The following ASH1L variants were observed in gnomAD, a reference collection of about 807,000 sequenced individuals.
The protein encoded by ASH1L is ASH1 like histone lysine methyltransferase, also known as histone-lysine N-methyltransferase ASH1L.
Under a neutral mutation model 269.0 loss-of-function variants are expected in ASH1L, and 23 were observed. That is an observed-to-expected ratio of 0.09 (90% CI 0.06 to 0.12). The LOEUF is 0.12. Ranked by LOEUF, ASH1L falls within the 10% of genes least tolerant of loss-of-function variation. The pLI, the probability that ASH1L is intolerant of heterozygous loss-of-function variation, is 1.00. For synonymous variants in ASH1L, 1,187 were observed against 1,253.5 expected, an observed-to-expected ratio of 0.95 and a Z score of 1.12; for missense variants, 2,912 against 3,567.8, an observed-to-expected ratio of 0.82 and a Z score of 4.68.
intron 15 of ASH1L, among the ~76,000 whole-genome samples, chr1:155,356,064 A>C (rs993563906): frequency 7.2e-5 from 11 of 151,810 alleles, no homozygotes; most frequent in Non-Finnish European, 1.5e-4. Context: ...CAGCCTCCTG[A>C]GTAGCTGAGA....
At chr1:155,355,737 T>C (rs973892674) in intron 15 of ASH1L, among the ~76,000 whole-genome samples, 1 of 152,126 alleles carries the variant, frequency 6.6e-6, no homozygotes, top group Non-Finnish European at 1.5e-5. Flanking sequence ...GGAAATAGAA[T>C]GAAAGGGGCT....
At chr1:155,476,877 A>G (rs1665594008) in intron 3 of ASH1L, among the ~76,000 whole-genome samples, 1 of 152,102 alleles carries the variant, frequency 6.6e-6, no homozygotes, top group South Asian at 2.1e-4. Context: ...TTAATCTTTT[A>G]GGGGAATAAT....
At chr1:155,458,980 C>A (rs1201611196) in intron 4 of ASH1L, among the ~76,000 whole-genome samples, 4 of 138,132 alleles carry the variant, frequency 2.9e-5, no homozygotes, top group Admixed American at 2.2e-4. Flanking sequence ...GGTAAACACA[C>A]AAACTATCCA....
Position 155,337,318 on chromosome 1 carries a change from T to C in ASH1L, c.*342A>G. 5.4e-6 allele frequency: 1 copy of C among 184,160 alleles called. No homozygotes were observed. The allele number at this position is 184,160 out of a possible 1,614,324, so 11.4% of individuals were successfully genotyped here. On this transcript the variant is annotated 3_prime_UTR_variant, in exon 28 of 28. Coordinates refer to ENST00000392403, the MANE Select transcript of ASH1L (RefSeq NM_018489.3). ...CAGCTTCTTCGCAATGCCTGTGGGA[T>C]CTGAGGATGACAGAAAAACCTAAGC... is the stretch of plus-strand genomic sequence containing the variant.
At chr1:155,345,174 C>CTTTTTTTTTT (rs397981613) in intron 21 of ASH1L, among the ~76,000 whole-genome samples, 4 of 64,022 alleles carry the variant, frequency 6.2e-5, no homozygotes, top group Non-Finnish European at 1.1e-4. Flanking sequence ...CCAGGATGGT[C>CTTTTTTTTTT]TTTTTTTTTT....
At chr1:155,455,475 C>T (rs1024334738) in intron 4 of ASH1L, among the ~76,000 whole-genome samples, 5 of 151,730 alleles carry the variant, frequency 3.3e-5, no homozygotes, top group Non-Finnish European at 4.4e-5. Context: ...ATACAAATTG[C>T]TTTTTGTTTC....
chr1:155,508,756 T>C (rs1472923817), intron 2 of ASH1L, among the ~76,000 whole-genome samples: 2 of 152,138 alleles, frequency 1.3e-5, no homozygotes, highest in African/African-American at 4.8e-5. Flanking sequence ...ACAAAATAAC[T>C]CAAACCAGCA....
intron 5 of ASH1L, among the ~76,000 whole-genome samples, chr1:155,425,544 T>G (rs1221235666): frequency 6.6e-6 from 1 of 151,202 alleles, no homozygotes; most frequent in Non-Finnish European, 1.5e-5. Flanking sequence ...GTTCAAGCGA[T>G]TCTCCTGCCT....
chr1:155,450,556 A>C (rs1476639663), intron 4 of ASH1L, among the ~76,000 whole-genome samples: 1 of 152,232 alleles, frequency 6.6e-6, no homozygotes, highest in Admixed American at 6.5e-5. Flanking sequence ...TCCTTTAAAA[A>C]ATGTTGAAGT....
chr1:155,431,808 A>C (rs1008309184), intron 5 of ASH1L, among the ~76,000 whole-genome samples: 1 of 152,058 alleles, frequency 6.6e-6, no homozygotes, highest in Non-Finnish European at 1.5e-5. Flanking sequence ...CGGTAGCTAC[A>C]ACCAGCCACA....
chr1:155,429,985 T>C (rs1661481285), intron 5 of ASH1L, among the ~76,000 whole-genome samples: 1 of 151,876 alleles, frequency 6.6e-6, no homozygotes, highest in Non-Finnish European at 1.5e-5. Flanking sequence ...TTTAAGTTTT[T>C]TTTTTTTTGA....
Position 155,415,901 on chromosome 1 carries a change from T to C in ASH1L, c.5851A>G (p.Ile1951Val), listed in dbSNP as rs1660167885. Reference protein sequence around the residue: ...NKSFNEAPVEIPSPSETPAKP... With the variant: ...NKSFNEAPVEVPSPSETPAKP... The stretch of plus-strand genomic sequence containing the variant: ...GCTGGGGTTTCAGAAGGACTGGGAA[T>C]CTCAACTGGTGCTTCATTAAAGCTA... The change falls in exon 6 of 28, where the codon ATT (isoleucine) becomes GTT (valine). Residue 1951 changes from isoleucine to valine, a missense_variant. By Grantham distance (29) the Ile-to-Val change is conservative. Transcript: ENST00000392403. The C allele has an allele frequency of 8.2e-6, 13 of 1,592,928 alleles. No homozygotes were observed. Among genetic ancestry groups the C allele is most frequent in the Non-Finnish European group, 9.4e-6 (11 of 1,171,482 alleles).
intron 10 of ASH1L, among the ~76,000 whole-genome samples, chr1:155,373,947 C>T (rs974380974): frequency 1.1e-4 from 16 of 152,080 alleles, no homozygotes; most frequent in African/African-American, 2.2e-4. Flanking sequence ...GGATTACAGG[C>T]GTAAGCCAAC....
At chr1:155,488,605 G>C (rs1666504503) in intron 2 of ASH1L, among the ~76,000 whole-genome samples, 1 of 132,448 alleles carries the variant, frequency 7.6e-6, no homozygotes, top group Non-Finnish European at 1.6e-5. Context: ...GGAGGCGGAG[G>C]ATGCAGTGAG....
At chr1:155,455,969 G>A (rs1322509431) in intron 4 of ASH1L, among the ~76,000 whole-genome samples, 1 of 151,998 alleles carries the variant, frequency 6.6e-6, no homozygotes, top group African/African-American at 2.4e-5. Flanking sequence ...ACCTTTTGGG[G>A]GTTCCAACTT....
intron 5 of ASH1L, among the ~76,000 whole-genome samples, chr1:155,416,273 G>A (rs1331044067): frequency 6.6e-6 from 1 of 151,956 alleles, no homozygotes; most frequent in Non-Finnish European, 1.5e-5. Context: ...TGATATTACA[G>A]GGGCACGCCA....
Position 155,521,447 on chromosome 1 carries a change from C to T in ASH1L, c.73G>A (p.Ala25Thr). The change falls in exon 2 of 28, where the codon GCC becomes ACC. Residue 25 changes from alanine to threonine, a missense_variant. By Grantham distance (58) the Ala-to-Thr change is moderately conservative. This residue lies in a region of ASH1L where 115 missense variants were observed against 101.5 expected (regional missense o/e 1.13). Coordinates refer to ENST00000392403, the MANE Select transcript of ASH1L (RefSeq NM_018489.3). The part of the protein sequence containing the change: ...SEGFSRKSPS[A>T]ISTGTLVSKR... ...CTGACCAATGTGCCAGTACTGATGG[C>T]AGAAGGACTCTTTCTTGAAAAACCT... 1 of 1,614,018 alleles carries T rather than the reference C, an allele frequency of 6.2e-7. No individual in the cohort carries two copies. Among genetic ancestry groups the T allele is most frequent in the African/African-American group, 1.3e-5 (1 of 75,006 alleles).
intron 1 of ASH1L, among the ~76,000 whole-genome samples, chr1:155,532,300 CAT>C (rs1433786170): frequency 2.0e-5 from 3 of 152,058 alleles, no homozygotes; most frequent in Non-Finnish European, 4.4e-5. Flanking sequence ...AATTACTAAC[CAT>C]ATGTTTTTTA....
In ASH1L at chr1:155,357,733, C is replaced by T; in HGVS notation, c.6812G>A (p.Gly2271Asp). 6.2e-7 allele frequency: 1 copy of T among 1,612,550 alleles called. No homozygotes were observed. The change falls in exon 14 of 28, where the codon GGC (glycine) becomes GAC (aspartate). Residue 2271 changes from glycine to aspartate, a missense_variant. By Grantham distance (94) the Gly-to-Asp change is moderately conservative. This residue lies in a region of ASH1L where 309 missense variants were observed against 435.1 expected (regional missense o/e 0.71). Coordinates refer to ENST00000392403, the MANE Select transcript of ASH1L (RefSeq NM_018489.3). ...NVEKQQLCKC[G>D]FEKCRGIIGG... ...GATGATTCCTCGACATTTCTCAAAG[C>T]CACACTTACAAAGTTGCTTTGAAGG...
Sources: allele counts gnomAD v4.1 joint callset (sites outside exome capture counted in the v4.1 genomes callset), GRCh38; gene constraint gnomAD v4.1.1; regional missense constraint gnomAD v4.1.1; transcripts MANE v1.5; gene names NCBI Gene and HGNC (gene_info 2026-07-23, HGNC 2026-07-21).